The following IQGAP2 variants were observed in gnomAD, a reference collection of about 807,000 sequenced individuals.
The protein encoded by IQGAP2 is IQ motif containing GTPase activating protein 2, also known as ras GTPase-activating-like protein IQGAP2.
A neutral mutation model predicts 201.3 loss-of-function variants in IQGAP2; 173 were observed. The ratio of observed to expected loss-of-function variants is 0.86; its 90% CI spans 0.76 to 0.98. The LOEUF (loss-of-function observed/expected upper bound fraction) is 0.98. Among genes scored for constraint, IQGAP2 ranks in the 50% least tolerant of loss-of-function variants. IQGAP2 has a pLI of 0.00. For synonymous variants in IQGAP2, 675 were observed against 673.9 expected, an observed-to-expected ratio of 1.00 and a Z score of -0.03; for missense variants, 1,687 against 1,864.8, an observed-to-expected ratio of 0.90 and a Z score of 1.76.
At chr5:76,410,287 T>C (rs1751037679) in intron 1 of IQGAP2, among the ~76,000 whole-genome samples, 1 of 152,182 alleles carries the variant, frequency 6.6e-6, no homozygotes, top group Non-Finnish European at 1.5e-5. Flanking sequence ...CGTGCTAGTA[T>C]ATTTGTACTG....
intron 2 of IQGAP2, among the ~76,000 whole-genome samples, chr5:76,530,210 A>G (rs1401837234): frequency 6.6e-6 from 1 of 152,210 alleles, no homozygotes; most frequent in Non-Finnish European, 1.5e-5. Context: ...CATGTAAACT[A>G]ATGTGTTATG....
chr5:76,457,819 G>A (rs975897623), intron 1 of IQGAP2, among the ~76,000 whole-genome samples: 5 of 152,142 alleles, frequency 3.3e-5, no homozygotes, highest in Non-Finnish European at 5.9e-5. Context: ...CTGTGAATAA[G>A]CCTTATTGTG....
intron 2 of IQGAP2, among the ~76,000 whole-genome samples, chr5:76,469,873 T>C (rs1276596274): frequency 6.6e-6 from 1 of 152,236 alleles, no homozygotes; most frequent in African/African-American, 2.4e-5. Context: ...GGATGTCTTG[T>C]ATATGTATTA....
chr5:76,611,226 G>A (rs1443944721), intron 13 of IQGAP2, 43 bp downstream of exon 13: 1 of 1,489,422 alleles, frequency 6.7e-7, no homozygotes, highest in African/African-American at 1.4e-5. Context: ...TTACAGGCTG[G>A]GTGGCAGAGG....
At chr5:76,517,341 GC>G (rs1402943433) in intron 2 of IQGAP2, among the ~76,000 whole-genome samples, 7 of 151,976 alleles carry the variant, frequency 4.6e-5, no homozygotes, top group Non-Finnish European at 7.4e-5. Flanking sequence ...ACTCACCATT[GC>G]CCCAATTTTT....
At chr5:76,449,111 G>A (rs937647858) in intron 1 of IQGAP2, among the ~76,000 whole-genome samples, 1 of 152,194 alleles carries the variant, frequency 6.6e-6, no homozygotes, top group African/African-American at 2.4e-5. Context: ...GGAGGGGAAT[G>A]GCCCTCTTAG....
chr5:76,559,991 T>A (rs940157025), intron 2 of IQGAP2, among the ~76,000 whole-genome samples: 1 of 152,210 alleles, frequency 6.6e-6, no homozygotes, highest in Non-Finnish European at 1.5e-5. Flanking sequence ...AAGAATTTTC[T>A]TACTTTTTTT....
chr5:76,546,633 A>G (rs1456933318), intron 2 of IQGAP2, among the ~76,000 whole-genome samples: 1 of 152,176 alleles, frequency 6.6e-6, no homozygotes, highest in Non-Finnish European at 1.5e-5. Flanking sequence ...CGCCTGGCAC[A>G]AGAGCAGCAT....
Position 76,427,952 on chromosome 5 carries a change from A to T in IQGAP2, c.46+24361A>T, listed in dbSNP as rs746496258. ...CCGTCTGCAGCCTTGCAGGCTGTCA[A>T]GCAGTGGGAGGACCAATGCCTGCAG... On this transcript the variant is annotated intron_variant, in intron 1 of 35. Transcript: ENST00000274364. 3.9e-5 allele frequency among the ~76,000 whole-genome samples: 6 copies of T among 152,198 alleles called. 1 individual carries two copies. The highest frequency in any genetic ancestry group is 8.8e-5 in the Non-Finnish European group (6 of 68,040).
At chr5:76,595,655 A>G (rs1746978201) in intron 9 of IQGAP2, among the ~76,000 whole-genome samples, 1 of 151,858 alleles carries the variant, frequency 6.6e-6, no homozygotes, top group African/African-American at 2.4e-5. Flanking sequence ...CAGATACTGT[A>G]GAGACTGAGG....
chr5:76,550,657 C>T (rs1278708122), intron 2 of IQGAP2, among the ~76,000 whole-genome samples: 1 of 152,144 alleles, frequency 6.6e-6, no homozygotes, highest in Non-Finnish European at 1.5e-5. Context: ...TTTCAGAGAG[C>T]ACGGGGTTGG....
intron 9 of IQGAP2, among the ~76,000 whole-genome samples, chr5:76,595,768 AAG>A (rs142088212): frequency 0.036 from 5,172 of 143,624 alleles, 240 homozygotes; most frequent in African/African-American, 0.11. Flanking sequence ...CAAAAAAAGA[AAG>A]AGAGAGAGAG....
At chr5:76,705,730 G>A (rs1376472410) in intron 35 of IQGAP2, among the ~76,000 whole-genome samples, 1 of 152,212 alleles carries the variant, frequency 6.6e-6, no homozygotes. Flanking sequence ...AATTGAGGAA[G>A]TGGAGGAGGA....
chr5:76,424,469 G>A (rs761011471), intron 1 of IQGAP2, among the ~76,000 whole-genome samples: 15 of 151,978 alleles, frequency 9.9e-5, no homozygotes, highest in African/African-American at 2.4e-4. Context: ...CACCATGCCC[G>A]GCTCATTTTG....
intron 2 of IQGAP2, among the ~76,000 whole-genome samples, chr5:76,488,660 G>A (rs1756324364): frequency 6.6e-6 from 1 of 152,156 alleles, no homozygotes; most frequent in African/African-American, 2.4e-5. Context: ...GTTTGATCAG[G>A]TTTTGCTTCA....
chr5:76,671,712 T>C (rs1744341253), intron 23 of IQGAP2, 47 bp from the exon 24 acceptor site: 1 of 1,242,816 alleles, frequency 8.0e-7, no homozygotes, highest in Non-Finnish European at 1.1e-6. Flanking sequence ...AAAAAAAATC[T>C]GTATCCATGG....
chr5:76,569,884 T>C (rs1444817237), intron 3 of IQGAP2, among the ~76,000 whole-genome samples: 1 of 152,214 alleles, frequency 6.6e-6, no homozygotes, highest in Admixed American at 6.5e-5. Context: ...TTACAGGCTG[T>C]GCAGAAGGAA....
chr5:76,496,745 C>CTT lies in IQGAP2; in HGVS notation c.146+35078_146+35079dup, dbSNP rs1200550371. Among the ~76,000 whole-genome samples, 3 of 51,074 alleles carry CTT rather than the reference C, an allele frequency of 5.9e-5. 1 individual carries two copies. The highest frequency in any genetic ancestry group is 3.1e-4 in the African/African-American group (3 of 9,822). The allele number at this position is 51,074 out of a possible 152,430, so 33.5% of individuals were successfully genotyped here. On this transcript the variant is annotated intron_variant, in intron 2 of 35. Transcript: ENST00000274364. ...CTTTCTTTTCTTTCTTTCTTTCTTT[C>CTT]TTTCTTTCTTTCTTTCTTTCTTTCT... is the stretch of plus-strand genomic sequence containing the variant.
intron 2 of IQGAP2, among the ~76,000 whole-genome samples, chr5:76,491,933 C>T (rs1481452483): frequency 6.6e-6 from 1 of 152,164 alleles, no homozygotes; most frequent in Non-Finnish European, 1.5e-5. Flanking sequence ...TCCACATGCC[C>T]AGAGTTACTG....
Sources: gnomAD v4.1 joint callset for allele counts (sites outside exome capture counted in the v4.1 genomes callset) on GRCh38, gnomAD v4.1.1 for gene constraint, MANE v1.5 for transcripts, NCBI Gene and HGNC (gene_info 2026-07-23, HGNC 2026-07-21) for gene names.